The following TTLL11 variants were observed in gnomAD, a reference collection of about 807,000 sequenced individuals.
TTLL11 encodes tubulin tyrosine ligase like 11, also known as tubulin polyglutamylase TTLL11.
TTLL11 carries 42 observed loss-of-function variants against 51.7 expected under a neutral mutation model. The observed-to-expected ratio is 0.81, with a 90% CI of 0.64 to 1.05. The LOEUF is 1.05. TTLL11 is among the 50% of genes least tolerant of loss of function. The pLI, the probability that TTLL11 is intolerant of heterozygous loss-of-function variation, is 0.00. For synonymous variants in TTLL11, 381 were observed against 383.5 expected (o/e 0.99, Z 0.08); for missense variants, 799 against 940.4 (o/e 0.85, Z 1.97).
At chr9:121,990,035 C>T (rs1175944665) in intron 3 of TTLL11, among the ~76,000 whole-genome samples, 3 of 152,172 alleles carry the variant, frequency 2.0e-5, no homozygotes, top group East Asian at 1.9e-4. Context: ...AATCCTGTTT[C>T]GCCAGTTATT....
At chr9:122,010,161 T>A (rs963805885) in intron 3 of TTLL11, among the ~76,000 whole-genome samples, 19 of 152,186 alleles carry the variant, frequency 1.2e-4, no homozygotes, top group Non-Finnish European at 2.6e-4. Flanking sequence ...TCCTTATAAA[T>A]TACCTTTATC....
At chr9:122,027,812 T>C (rs1844394565) in intron 3 of TTLL11, among the ~76,000 whole-genome samples, 1 of 152,178 alleles carries the variant, frequency 6.6e-6, no homozygotes, top group South Asian at 2.1e-4. Context: ...CCCAGAGCCA[T>C]TCAAAGGAAT....
At chr9:121,973,032 T>C (rs527495122) in intron 6 of TTLL11, among the ~76,000 whole-genome samples, 1 of 152,266 alleles carries the variant, frequency 6.6e-6, no homozygotes, top group Non-Finnish European at 1.5e-5. Context: ...CTATTTGAGA[T>C]GCCTTTGATT....
chr9:121,899,365 GTATATATATATACATATATATATATA>G (rs1219549694), intron 6 of TTLL11, among the ~76,000 whole-genome samples: 4 of 113,242 alleles, frequency 3.5e-5, no homozygotes, highest in East Asian at 3.1e-4. Context: ...ATGTGTGTGT[GTATATATATATACATATATATATATA>G]TATATATATA....
At chr9:121,981,129 T>A (rs921217040) in intron 4 of TTLL11, among the ~76,000 whole-genome samples, 1 of 138,196 alleles carries the variant, frequency 7.2e-6, no homozygotes, top group Non-Finnish European at 1.6e-5. Context: ...CATTATTTCT[T>A]CAAAAGTTTT....
intron 1 of TTLL11, among the ~76,000 whole-genome samples, chr9:122,075,710 A>T (rs1046769944): frequency 3.3e-5 from 5 of 152,208 alleles, no homozygotes; most frequent in African/African-American, 1.2e-4. Context: ...TGTGTAAGTA[A>T]TCTCAAGCAG....
intron 8 of TTLL11, among the ~76,000 whole-genome samples, chr9:121,849,362 ACAAGAC>A (rs1168457247): frequency 6.6e-6 from 1 of 152,252 alleles, no homozygotes; most frequent in African/African-American, 2.4e-5. Context: ...AATTTTAGAC[ACAAGAC>A]CAAGAGCAAG....
At chr9:121,865,873 A>G (rs1180367973) in intron 7 of TTLL11, among the ~76,000 whole-genome samples, 1 of 152,246 alleles carries the variant, frequency 6.6e-6, no homozygotes, top group Admixed American at 6.5e-5. Flanking sequence ...TCTTGGTGAA[A>G]AAGAAAAATA....
intron 8 of TTLL11, among the ~76,000 whole-genome samples, chr9:121,835,372 G>A (rs921513640): frequency 6.6e-6 from 1 of 152,130 alleles, no homozygotes; most frequent in African/African-American, 2.4e-5. Flanking sequence ...CACTACTGGA[G>A]AGTGGTAAGT....
At chr9:121,831,025 T>C (rs1285749979) in intron 8 of TTLL11, among the ~76,000 whole-genome samples, 1 of 152,016 alleles carries the variant, frequency 6.6e-6, no homozygotes, top group Admixed American at 6.6e-5. Context: ...TGGTGAGGGA[T>C]GATTAGATAC....
At chr9:121,863,426 A>G (rs9792544) in intron 7 of TTLL11, among the ~76,000 whole-genome samples, 111,654 of 152,106 alleles carry the variant, frequency 0.73, 41,632 homozygotes, top group East Asian at 0.9. Context: ...GTGGGTTAAT[A>G]GAGTATTAAA....
intron 6 of TTLL11, among the ~76,000 whole-genome samples, chr9:121,964,675 C>G (rs1366718104): frequency 3.3e-5 from 5 of 152,128 alleles, no homozygotes; most frequent in Non-Finnish European, 5.9e-5. Flanking sequence ...TCTCCTAATA[C>G]ACTCCATGCA....
chr9:122,013,891 G>C (rs943941303), intron 3 of TTLL11, among the ~76,000 whole-genome samples: 4 of 152,200 alleles, frequency 2.6e-5, no homozygotes, highest in Admixed American at 2.6e-4. Flanking sequence ...CCAATGAAGA[G>C]TTTTATGAAA....
chr9:122,085,553 T>C (rs1355866144), intron 1 of TTLL11, among the ~76,000 whole-genome samples: 1 of 152,160 alleles, frequency 6.6e-6, no homozygotes, highest in Non-Finnish European at 1.5e-5. Flanking sequence ...ATCTATTAGA[T>C]AAGTCAAATT....
At chr9:122,076,654 C>T (rs938792485) in intron 1 of TTLL11, among the ~76,000 whole-genome samples, 2 of 151,248 alleles carry the variant, frequency 1.3e-5, no homozygotes, top group African/African-American at 4.9e-5. Context: ...AAGATTCTAA[C>T]TTGAAACCTA....
chr9:121,974,822 C>T, intron 5 of TTLL11, 62 bp downstream of exon 5: 1 of 1,243,516 alleles, frequency 8.0e-7, no homozygotes, highest in Non-Finnish European at 1.1e-6. Context: ...AAGTGAGCAA[C>T]ATGAGGGTAG....
chr9:121,929,121 C>T (rs549445785), intron 6 of TTLL11, among the ~76,000 whole-genome samples: 22 of 152,154 alleles, frequency 1.4e-4, no homozygotes, highest in Admixed American at 3.3e-4. Context: ...CCCAAAGGCC[C>T]CCAAACCACA....
rs560580317 is a variant in TTLL11 at position 122,054,726 on chromosome 9, T to C, written c.463-15358A>G. Among the ~76,000 whole-genome samples the C allele has an allele frequency of 2.0e-5, 3 of 152,296 alleles. No homozygotes were observed. In the South Asian group the frequency reaches 6.2e-4, roughly 32 times the overall value. ...ACCCTGCAAATTATCAACAGTAATC[T>C]CCCAGTTCTCTACTTCCTCACAGTT... On this transcript the variant is annotated intron_variant, in intron 1 of 8. Transcript: ENST00000321582.
intron 6 of TTLL11, among the ~76,000 whole-genome samples, chr9:121,917,476 GAAAGAAAAGA>G (rs1840369135): frequency 2.2e-5 from 1 of 46,180 alleles, no homozygotes; most frequent in Admixed American, 1.7e-4. Context: ...ACTGTTGAAA[GAAAGAAAAGA>G]AAAGGAAAGA....
Sources: gnomAD v4.1 joint callset for allele counts (sites outside exome capture counted in the v4.1 genomes callset) on GRCh38, gnomAD v4.1.1 for gene constraint, MANE v1.5 for transcripts, NCBI Gene and HGNC (gene_info 2026-07-23, HGNC 2026-07-21) for gene names.